The following IMMP2L variants were observed in gnomAD, a reference collection of about 807,000 sequenced individuals.
IMMP2L encodes the protein mitochondrial inner membrane protease subunit 2.
A neutral mutation model predicts 19.3 loss-of-function variants in IMMP2L; 18 were observed. The ratio of observed to expected loss-of-function variants is 0.93; its 90% CI spans 0.64 to 1.38. IMMP2L has a LOEUF of 1.38. Ranked by LOEUF, IMMP2L falls within the 40% of genes most tolerant of loss-of-function variation. The probability of loss-of-function intolerance (pLI) is 0.00; values close to 1 mark genes in which losing one functional copy is unlikely to be tolerated. For missense variants in IMMP2L, 233 were observed against 218.2 expected (o/e 1.07, Z -0.43); for synonymous variants, 76 against 73.0 (o/e 1.04, Z -0.21).
At chr7:110,702,544 A>C (rs1379794857) in intron 5 of IMMP2L, among the ~76,000 whole-genome samples, 1 of 152,214 alleles carries the variant, frequency 6.6e-6, no homozygotes, top group African/African-American at 2.4e-5. Flanking sequence ...GAGCTTTGCT[A>C]TCCAAGAACA....
intron 3 of IMMP2L, among the ~76,000 whole-genome samples, chr7:111,038,460 C>G (rs778890440): frequency 7.2e-5 from 11 of 152,100 alleles, no homozygotes; most frequent in Non-Finnish European, 1.2e-4. Context: ...CTAAAGCCAA[C>G]TAGGTTCAAA....
At chr7:111,183,922 G>T (rs1412419714) in intron 3 of IMMP2L, among the ~76,000 whole-genome samples, 2 of 151,982 alleles carry the variant, frequency 1.3e-5, no homozygotes, top group East Asian at 3.8e-4. Flanking sequence ...AGGTACATTT[G>T]TAAGAACTTG....
intron 3 of IMMP2L, among the ~76,000 whole-genome samples, chr7:111,111,158 T>C (rs746521197): frequency 6.6e-6 from 1 of 152,104 alleles, no homozygotes; most frequent in South Asian, 2.1e-4. Context: ...GTGAAATGAA[T>C]GCAAATTTAT....
At chr7:111,161,645 C>T (rs2129606946) in intron 3 of IMMP2L, among the ~76,000 whole-genome samples, 1 of 151,994 alleles carries the variant, frequency 6.6e-6, no homozygotes. Flanking sequence ...TTCACAAATG[C>T]TTCAGAGCAC....
intron 5 of IMMP2L, among the ~76,000 whole-genome samples, chr7:110,716,783 A>G (rs981953861): frequency 1.3e-5 from 2 of 152,330 alleles, no homozygotes; most frequent in African/African-American, 4.8e-5. Flanking sequence ...GTTGTCAGAA[A>G]TATTATGGAT....
chr7:111,360,437 A>G (rs1366558738), intron 3 of IMMP2L, among the ~76,000 whole-genome samples: 1 of 152,146 alleles, frequency 6.6e-6, no homozygotes, highest in Non-Finnish European at 1.5e-5. Context: ...TCCAAATCAA[A>G]TAACATTACA....
chr7:111,226,166 T>C lies in IMMP2L; in HGVS notation c.239+261072A>G, dbSNP rs115498072. ...TGATTACTCCTTTTTTTGTTTTGTT[T>C]TGTTTTCTGAGACAGGGTCTTGCTC... On this transcript the variant is annotated intron_variant, in intron 3 of 5. Coordinates refer to ENST00000405709, the MANE Select transcript of IMMP2L (RefSeq NM_032549.4). 4.2e-3 allele frequency among the ~76,000 whole-genome samples: 635 copies of C among 152,116 alleles called. 6 individuals carry two copies. Among genetic ancestry groups the C allele is most frequent in the African/African-American group, 0.015 (609 of 41,486 alleles).
chr7:111,462,280 A>T (rs1173163418), intron 3 of IMMP2L, among the ~76,000 whole-genome samples: 7 of 152,072 alleles, frequency 4.6e-5, no homozygotes, highest in Admixed American at 1.3e-4. Context: ...AAACAAAGTA[A>T]TGAATAACAT....
chr7:110,705,963 ATTGATGGGCACCTAGGTTGAT>A (rs954800144), intron 5 of IMMP2L, among the ~76,000 whole-genome samples: 1 of 152,104 alleles, frequency 6.6e-6, no homozygotes, highest in Non-Finnish European at 1.5e-5. Context: ...CCTATGCATC[ATTGATGGGCACCTAGGTTGAT>A]TCCTTCTCTT....
At chr7:111,258,005 C>T (rs1452406866) in intron 3 of IMMP2L, among the ~76,000 whole-genome samples, 2 of 151,702 alleles carry the variant, frequency 1.3e-5, no homozygotes, top group East Asian at 1.9e-4. Flanking sequence ...TTGTTCAACT[C>T]CACTTATGAG....
chr7:111,372,218 C>T (rs990880329), intron 3 of IMMP2L, among the ~76,000 whole-genome samples: 2 of 151,772 alleles, frequency 1.3e-5, no homozygotes. Flanking sequence ...CATTGCATAC[C>T]CGTATCAAAA....
At chr7:110,965,537 G>C (rs750199416) in intron 3 of IMMP2L, among the ~76,000 whole-genome samples, 1 of 151,878 alleles carries the variant, frequency 6.6e-6, no homozygotes, top group African/African-American at 2.4e-5. Flanking sequence ...ATTAAATCAA[G>C]TAAATATTAT....
chr7:111,127,205 TGA>T (rs1801401503), intron 3 of IMMP2L, among the ~76,000 whole-genome samples: 2 of 152,188 alleles, frequency 1.3e-5, no homozygotes, highest in Admixed American at 1.3e-4. Context: ...TCATACATCA[TGA>T]GAGGTTTCAG....
intron 3 of IMMP2L, among the ~76,000 whole-genome samples, chr7:111,420,935 C>T (rs1177012470): frequency 6.6e-6 from 1 of 151,822 alleles, no homozygotes; most frequent in Non-Finnish European, 1.5e-5. Flanking sequence ...AATGGGACCG[C>T]TGGGTCAAAT....
At chr7:110,840,303 T>C (rs901633342) in intron 5 of IMMP2L, among the ~76,000 whole-genome samples, 1 of 152,138 alleles carries the variant, frequency 6.6e-6, no homozygotes, top group Non-Finnish European at 1.5e-5. Flanking sequence ...TGTAAATAGT[T>C]TCCTATCTAC....
chr7:110,826,269 G>T (rs1267212092), intron 5 of IMMP2L, among the ~76,000 whole-genome samples: 1 of 152,190 alleles, frequency 6.6e-6, no homozygotes, highest in Non-Finnish European at 1.5e-5. Flanking sequence ...CATTGTGGAA[G>T]TCAGTGTGGC....
At chr7:111,015,192 T>C (rs1563161032) in intron 3 of IMMP2L, among the ~76,000 whole-genome samples, 1 of 152,156 alleles carries the variant, frequency 6.6e-6, no homozygotes, top group Non-Finnish European at 1.5e-5. Flanking sequence ...ACAAATGTGA[T>C]ATGTACGTAC....
At chr7:111,268,569 C>CTCTTTTTT (rs1818083564) in intron 3 of IMMP2L, among the ~76,000 whole-genome samples, 3 of 44,562 alleles carry the variant, frequency 6.7e-5, no homozygotes, top group African/African-American at 3.1e-4. Flanking sequence ...TCACATTTCT[C>CTCTTTTTT]TTTTTTTTTT....
At chr7:110,703,786 A>C (rs1204171006) in intron 5 of IMMP2L, among the ~76,000 whole-genome samples, 1 of 152,208 alleles carries the variant, frequency 6.6e-6, no homozygotes, top group East Asian at 1.9e-4. Flanking sequence ...CAACATATTC[A>C]AAATCTTACG....
Sources: allele counts gnomAD v4.1 joint callset (sites outside exome capture counted in the v4.1 genomes callset), GRCh38; gene constraint gnomAD v4.1.1; transcripts MANE v1.5; gene names NCBI Gene and HGNC (gene_info 2026-07-23, HGNC 2026-07-21).